The following RCAN2 variants were observed in gnomAD, a reference collection of about 807,000 sequenced individuals.
RCAN2 encodes regulator of calcineurin 2, also known as calcipressin-2.
A neutral mutation model predicts 23.6 loss-of-function variants in RCAN2; 9 were observed. That is an observed-to-expected ratio of 0.38 (90% CI 0.23 to 0.67). RCAN2 has a LOEUF of 0.67. Ranked by LOEUF, RCAN2 falls within the 30% of genes least tolerant of loss-of-function variation. The probability of loss-of-function intolerance (pLI) is 0.51; values close to 1 mark genes in which losing one functional copy is unlikely to be tolerated. For missense variants in RCAN2, 273 were observed against 302.3 expected, an observed-to-expected ratio of 0.90 and a Z score of 0.72; for synonymous variants, 109 against 115.7, an observed-to-expected ratio of 0.94 and a Z score of 0.37.
intron 2 of RCAN2, among the ~76,000 whole-genome samples, chr6:46,382,092 C>CTAAGGATAAGGGAGAGCTGGGT (rs964599785): frequency 6.6e-5 from 10 of 152,106 alleles, no homozygotes; most frequent in Non-Finnish European, 1.3e-4. Context: ...AGTGAGATGG[C>CTAAGGATAAGGGAGAGCTGGGT]TAAGGATAAG....
intron 2 of RCAN2, among the ~76,000 whole-genome samples, chr6:46,376,135 C>A (rs953298429): frequency 1.3e-5 from 2 of 152,184 alleles, no homozygotes; most frequent in Non-Finnish European, 2.9e-5. Flanking sequence ...ACGCAGTCAG[C>A]TCTGATTGTT....
chr6:46,344,669 T>G (rs182500435), intron 2 of RCAN2, among the ~76,000 whole-genome samples: 1 of 152,106 alleles, frequency 6.6e-6, no homozygotes, highest in East Asian at 1.9e-4. Flanking sequence ...ATGTGTACTG[T>G]AGTCTCTAGA....
At chr6:46,335,358 A>G (rs1017040391) in intron 2 of RCAN2, among the ~76,000 whole-genome samples, 1 of 152,184 alleles carries the variant, frequency 6.6e-6, no homozygotes, top group Non-Finnish European at 1.5e-5. Flanking sequence ...GGTTATTTTA[A>G]TATGCTAGCA....
chr6:46,391,261 A>G (rs563954665), intron 2 of RCAN2, among the ~76,000 whole-genome samples: 1 of 152,334 alleles, frequency 6.6e-6, no homozygotes, highest in South Asian at 2.1e-4. Flanking sequence ...AGGGACATGG[A>G]TGAAGCTGGA....
At chr6:46,410,379 A>G (rs1766513581) in intron 2 of RCAN2, among the ~76,000 whole-genome samples, 3 of 152,230 alleles carry the variant, frequency 2.0e-5, no homozygotes, top group African/African-American at 7.2e-5. Context: ...GACTTTCTGG[A>G]GAACACTGAC....
At chr6:46,416,996 A>T (rs949692514) in intron 2 of RCAN2, among the ~76,000 whole-genome samples, 1 of 152,198 alleles carries the variant, frequency 6.6e-6, no homozygotes, top group Non-Finnish European at 1.5e-5. Flanking sequence ...ATTTTAAACC[A>T]TTCTCATATT....
At chr6:46,267,357 A>G (rs1704388850) in intron 2 of RCAN2, among the ~76,000 whole-genome samples, 1 of 152,202 alleles carries the variant, frequency 6.6e-6, no homozygotes, top group East Asian at 1.9e-4. Context: ...AAAGCATTAC[A>G]TGTAACTTTA....
intron 1 of RCAN2, among the ~76,000 whole-genome samples, chr6:46,472,618 G>T (rs1014386670): frequency 6.6e-6 from 1 of 152,148 alleles, no homozygotes; most frequent in East Asian, 1.9e-4. Context: ...TTGCTGTACT[G>T]TAATTGTGTA....
At chr6:46,272,042 A>G (rs1767537388) in intron 2 of RCAN2, among the ~76,000 whole-genome samples, 1 of 152,212 alleles carries the variant, frequency 6.6e-6, no homozygotes, top group Non-Finnish European at 1.5e-5. Context: ...AGATATTATC[A>G]CTTTTTAATT....
At chr6:46,400,246 A>C (rs1000190501) in intron 2 of RCAN2, among the ~76,000 whole-genome samples, 1 of 152,166 alleles carries the variant, frequency 6.6e-6, no homozygotes, top group Non-Finnish European at 1.5e-5. Context: ...GCACTTAGTC[A>C]AGCCTTCTGG....
chr6:46,451,250 T>C (rs970009844), intron 2 of RCAN2, among the ~76,000 whole-genome samples: 10 of 152,116 alleles, frequency 6.6e-5, no homozygotes, highest in Non-Finnish European at 1.2e-4. Context: ...AGGAGTGATA[T>C]GTTTGGCATT....
intron 2 of RCAN2, among the ~76,000 whole-genome samples, chr6:46,438,058 C>A (rs1463561816): frequency 6.6e-6 from 1 of 152,140 alleles, no homozygotes; most frequent in Non-Finnish European, 1.5e-5. Flanking sequence ...GCAGCCCTGG[C>A]CAGAGTCAAA....
chr6:46,453,575 C>T lies in RCAN2; in HGVS notation c.225+3177G>A, dbSNP rs116489039. On this transcript the variant is annotated intron_variant, in intron 2 of 4. Transcript: ENST00000371374. Reference sequence around the variant, plus strand: ...GAAATGAGCATATCAGAATATTTATCATTTTGCACAGAACAAAGTGATACA... The same window carrying T: ...GAAATGAGCATATCAGAATATTTATTATTTTGCACAGAACAAAGTGATACA... Among the ~76,000 whole-genome samples the T allele has an allele frequency of 3.2e-3, 492 of 152,324 alleles. 1 individual carries two copies. Among genetic ancestry groups the T allele is most frequent in the African/African-American group, 0.011 (468 of 41,578 alleles).
chr6:46,288,901 C>G (rs1056320870), intron 2 of RCAN2, among the ~76,000 whole-genome samples: 2 of 152,232 alleles, frequency 1.3e-5, no homozygotes, highest in Admixed American at 1.3e-4. Context: ...GGAGCAAACT[C>G]AATAAATAAG....
chr6:46,342,230 A>T (rs572646349), intron 2 of RCAN2, among the ~76,000 whole-genome samples: 1 of 152,332 alleles, frequency 6.6e-6, no homozygotes, highest in South Asian at 2.1e-4. Flanking sequence ...GAATAGGAAT[A>T]AGTAAGGAAA....
Position 46,397,116 on chromosome 6 carries a change from A to G in RCAN2, c.225+59636T>C, listed in dbSNP as rs188125310. Among the ~76,000 whole-genome samples, 368 of 152,272 alleles carry G rather than the reference A, an allele frequency of 2.4e-3. 2 individuals carry two copies. The highest frequency in any genetic ancestry group is 0.015 in the South Asian group (72 of 4,826). Reference sequence around the variant, plus strand: ...ACAAGTGAGAAACTCTATTTCAAAAAAAATAAAAAAGTAACCTAGAACATA... The same window carrying G: ...ACAAGTGAGAAACTCTATTTCAAAAGAAATAAAAAAGTAACCTAGAACATA... On this transcript the variant is annotated intron_variant, in intron 2 of 4. Transcript: ENST00000371374.
intron 2 of RCAN2, among the ~76,000 whole-genome samples, chr6:46,417,186 G>A (rs1183659097): frequency 6.6e-6 from 1 of 152,062 alleles, no homozygotes; most frequent in Non-Finnish European, 1.5e-5. Context: ...TATGACTCTT[G>A]CTGTATTGTC....
chr6:46,226,445 T>A (rs1324549440), intron 4 of RCAN2, among the ~76,000 whole-genome samples: 1 of 152,218 alleles, frequency 6.6e-6, no homozygotes, highest in Admixed American at 6.5e-5. Context: ...TTTGTTTGTG[T>A]CCTTTTTTAT....
chr6:46,228,245 T>C (rs1445992333), intron 4 of RCAN2, among the ~76,000 whole-genome samples: 3 of 152,242 alleles, frequency 2.0e-5, no homozygotes, highest in Admixed American at 6.5e-5. Flanking sequence ...GAAGAATGTA[T>C]ATTCTGTTGA....
Sources: allele counts gnomAD v4.1 joint callset (sites outside exome capture counted in the v4.1 genomes callset), GRCh38; gene constraint gnomAD v4.1.1; transcripts MANE v1.5; gene names NCBI Gene and HGNC (gene_info 2026-07-23, HGNC 2026-07-21).